INTS7: variants seen among roughly 807,000 people sequenced by gnomAD.
The protein encoded by INTS7 is chromosome 1 open reading frame 73.
In INTS7, 46 loss-of-function variants were observed where a neutral mutation model predicts 109.2. The observed-to-expected ratio is 0.42, with a 90% CI of 0.33 to 0.54. The LOEUF is 0.54. Among genes scored for constraint, INTS7 ranks in the 20% least tolerant of loss-of-function variants. The pLI, the probability that INTS7 is intolerant of heterozygous loss-of-function variation, is 0.07. For missense variants in INTS7, 929 were observed against 1,132.4 expected (o/e 0.82, Z 2.58); for synonymous variants, 412 against 402.9 (o/e 1.02, Z -0.27).
intron 10 of INTS7, 35 bp downstream of exon 10, chr1:211,981,058 A>G (rs754407604): frequency 1.4e-5 from 18 of 1,291,468 alleles, no homozygotes; most frequent in Non-Finnish European, 1.9e-5. Context: ...ACCATCATAT[A>G]TATCTATTAC....
chr1:212,017,382 A>G (rs1018653678), intron 3 of INTS7, among the ~76,000 whole-genome samples: 3 of 152,268 alleles, frequency 2.0e-5, no homozygotes, highest in African/African-American at 7.2e-5. Flanking sequence ...CATTAAGAAT[A>G]CAACATTTTT....
chr1:211,982,857 A>C, intron 8 of INTS7, 47 bp from the exon 9 acceptor site: 1 of 1,499,902 alleles, frequency 6.7e-7, no homozygotes, highest in African/African-American at 1.4e-5. Context: ...CAAATAGTTC[A>C]AAAGCAGTTC....
At chr1:211,989,407 C>T (rs1571880373) in intron 7 of INTS7, among the ~76,000 whole-genome samples, 1 of 148,850 alleles carries the variant, frequency 6.7e-6, no homozygotes, top group Non-Finnish European at 1.5e-5. Context: ...AATAAAAAAC[C>T]AAAACTGTAA....
intron 3 of INTS7, among the ~76,000 whole-genome samples, chr1:212,017,887 T>G (rs531015021): frequency 3.3e-5 from 5 of 152,244 alleles, no homozygotes; most frequent in Non-Finnish European, 7.3e-5. Flanking sequence ...TAAAATGGAC[T>G]AAATATGTAA....
At chr1:211,981,300 A>T in intron 9 of INTS7, 110 bp from the exon 10 acceptor site, 1 of 588,792 alleles carries the variant, frequency 1.7e-6, no homozygotes, top group Non-Finnish European at 3.0e-6. Flanking sequence ...AGTTTAAGAT[A>T]TAGGGAATTA....
intron 16 of INTS7, among the ~76,000 whole-genome samples, chr1:211,965,771 CCACA>C (rs1663847962): frequency 6.6e-6 from 1 of 152,022 alleles, no homozygotes; most frequent in African/African-American, 2.4e-5. Context: ...GAGGGGAACA[CCACA>C]CACTGGGGCC....
Position 212,035,211 on chromosome 1 carries a change from A to G in INTS7, c.94+133T>C, listed in dbSNP as rs1047021015. Reference sequence around the variant, plus strand: ...AAGGGGTCAAAGCCCACGCCCCAGCAAAAGCACAGGCGCTCCCCGCCCAGC... The same window carrying G: ...AAGGGGTCAAAGCCCACGCCCCAGCGAAAGCACAGGCGCTCCCCGCCCAGC... On this transcript the variant is annotated intron_variant, in intron 1 of 19. Transcript: ENST00000366994. 2.4e-5 allele frequency: 16 copies of G among 675,004 alleles called. No individual in the cohort carries two copies. In the African/African-American group the frequency reaches 2.5e-4, roughly 11 times the overall value. 41.8% of individuals were successfully genotyped at this position (675,004 alleles called of 1,614,324 possible).
intron 1 of INTS7, among the ~76,000 whole-genome samples, chr1:212,034,350 T>C (rs1667320782): frequency 6.6e-6 from 1 of 152,060 alleles, no homozygotes; most frequent in African/African-American, 2.4e-5. Flanking sequence ...GTTTAAAAAA[T>C]AAACAGAAAA....
At chr1:212,033,670 A>T (rs1667270550) in intron 1 of INTS7, among the ~76,000 whole-genome samples, 1 of 152,210 alleles carries the variant, frequency 6.6e-6, no homozygotes. Context: ...GCTCAGCTGC[A>T]CCAGAATGGT....
At position 211,952,594 on chromosome 1, in the gene INTS7, C is replaced by T. The variant is rs755447059; in HGVS notation, c.2291G>A (p.Arg764Gln). 2.5e-6 allele frequency: 4 copies of T among 1,612,784 alleles called. No individual in the cohort carries two copies. ...HVLEEVESLNRKYTPVSYMHT... is the reference protein window; with the variant it reads ...HVLEEVESLNQKYTPVSYMHT... ...CATATAAGAAACAGGGGTATATTTC[C>T]GATTGAGTGATTCTACCTCCTCCAA... The change falls in exon 17 of 20, where the codon CGG becomes CAG. Residue 764 changes from arginine (R) to glutamine (Q), a missense_variant. Coordinates refer to ENST00000366994, the MANE Select transcript of INTS7 (RefSeq NM_015434.4).
intron 13 of INTS7, among the ~76,000 whole-genome samples, chr1:211,974,270 A>ATATATAT (rs1664306386): frequency 3.4e-4 from 35 of 101,878 alleles, no homozygotes; most frequent in African/African-American, 1.3e-3. Flanking sequence ...CTTCCCAGAA[A>ATATATAT]AAAAAAATAT....
chr1:211,965,774 C>T (rs545991573), intron 16 of INTS7, among the ~76,000 whole-genome samples: 4 of 152,242 alleles, frequency 2.6e-5, no homozygotes, highest in Admixed American at 1.3e-4. Context: ...GGGAACACCA[C>T]ACACTGGGGC....
intron 1 of INTS7, among the ~76,000 whole-genome samples, chr1:212,023,292 T>C (rs1230963923): frequency 6.6e-6 from 1 of 152,216 alleles, no homozygotes; most frequent in African/African-American, 2.4e-5. Flanking sequence ...CTGGGTTGAA[T>C]GGCAGTTCTA....
At chr1:211,996,756 G>A (rs1435233816) in intron 7 of INTS7, among the ~76,000 whole-genome samples, 1 of 152,204 alleles carries the variant, frequency 6.6e-6, no homozygotes, top group Non-Finnish European at 1.5e-5. Flanking sequence ...CTGGCGCAGT[G>A]GTACACGCCT....
At chr1:211,989,807 G>A (rs1470070674) in intron 7 of INTS7, among the ~76,000 whole-genome samples, 29 of 143,216 alleles carry the variant, frequency 2.0e-4, no homozygotes, top group African/African-American at 6.3e-4. Flanking sequence ...GGGCGACAGA[G>A]CAAGACTCCG....
In INTS7 at chr1:211,946,637, A is replaced by C; in HGVS notation, c.2385T>G (p.Phe795Leu). ...TGCTGGTAGACTGTAGTTTCTGGAAAAAATATCTCTGGAAAGAAAGGGGAA... is the reference window on the plus strand; with the variant it reads ...TGCTGGTAGACTGTAGTTTCTGGAACAAATATCTCTGGAAAGAAAGGGGAA... ...LKVPLSFQRY[F>L]FQKLQSTSIK... Residue 795 changes from phenylalanine (F) to leucine (L), a missense_variant, in exon 18 of 20, where the codon TTT becomes TTG. This residue lies in a region of INTS7 where 787 missense variants were observed against 901.1 expected (regional missense o/e 0.87). Coordinates refer to ENST00000366994, the MANE Select transcript of INTS7 (RefSeq NM_015434.4). The surrounding 1 kb of genome is among the most constrained non-coding windows in gnomAD (Gnocchi z 4.3). The C allele has an allele frequency of 6.2e-7, 1 of 1,612,986 alleles. No homozygotes were observed. Among genetic ancestry groups the C allele is most frequent in the African/African-American group, 1.3e-5 (1 of 75,042 alleles).
intron 4 of INTS7, among the ~76,000 whole-genome samples, chr1:212,015,187 C>T (rs998194522): frequency 2.0e-5 from 3 of 152,106 alleles, no homozygotes; most frequent in Non-Finnish European, 4.4e-5. Context: ...TCTGCCCAGC[C>T]GCCACCCCGT....
At position 211,978,322 on chromosome 1, in the gene INTS7, G is replaced by T; in HGVS notation, c.1420C>A (p.Leu474Met). The T allele has an allele frequency of 1.2e-6, 2 of 1,614,174 alleles. No homozygotes were observed. Among genetic ancestry groups the T allele is most frequent in the Non-Finnish European group, 1.7e-6 (2 of 1,180,032 alleles). Residue 474 changes from leucine to methionine, a missense_variant, in exon 11 of 20, where the codon CTG (leucine) becomes ATG (methionine). Coordinates refer to ENST00000366994, the MANE Select transcript of INTS7 (RefSeq NM_015434.4). ...GDGMLGDLMELYKVIGRSATD... is the reference protein window; with the variant it reads ...GDGMLGDLMEMYKVIGRSATD... ...GCTGATCGTCCAATCACCTTGTACA[G>T]CTCCATGAGGTCACCAAGCATCCCA...
chr1:211,941,819 C>T lies in INTS7; in HGVS notation c.*5G>A, dbSNP rs764139151. On this transcript the variant is annotated 3_prime_UTR_variant, in exon 20 of 20. Coordinates refer to ENST00000366994, the MANE Select transcript of INTS7 (RefSeq NM_015434.4). ...TTGAGAGTCTGCAGTGCATTCATTC[C>T]ATGGTTAAAACCGTGTGTAGGCATT... 9.9e-6 allele frequency: 16 copies of T among 1,612,430 alleles called. No individual in the cohort carries two copies. The East Asian group carries it at 3.3e-4, about 34-fold the overall frequency.
Sources: allele counts gnomAD v4.1 joint callset (sites outside exome capture counted in the v4.1 genomes callset), GRCh38; gene constraint gnomAD v4.1.1; regional missense constraint gnomAD v4.1.1; non-coding constraint Gnocchi (gnomAD v3.1); transcripts MANE v1.5; gene names NCBI Gene and HGNC (gene_info 2026-07-23, HGNC 2026-07-21).